CHMP1A: variants seen among roughly 807,000 people sequenced by gnomAD.
The protein encoded by CHMP1A is VPS46 homolog A.
In CHMP1A, 17 loss-of-function variants were observed where a neutral mutation model predicts 27.0. The observed-to-expected ratio is 0.63, with a 90% confidence interval of 0.43 to 0.95. CHMP1A has a LOEUF of 0.95. Ranked by LOEUF, CHMP1A falls within the 40% of genes least tolerant of loss-of-function variation. CHMP1A has a pLI of 0.00. For missense variants in CHMP1A, 275 were observed against 264.0 expected (o/e 1.04, Z -0.29); for synonymous variants, 131 against 107.5 (o/e 1.22, Z -1.35).
intron 2 of CHMP1A, among the ~76,000 whole-genome samples, chr16:89,652,800 A>G (rs982257719): frequency 1.3e-5 from 2 of 152,176 alleles, no homozygotes; most frequent in Non-Finnish European, 2.9e-5. Flanking sequence ...AGTAGCTCAG[A>G]GCCAGCGACA....
At position 89,649,286 on chromosome 16, in the gene CHMP1A, C is replaced by T. The variant is rs1466753476; in HGVS notation, c.252+65G>A. 32 of 1,581,304 alleles carry T rather than the reference C, an allele frequency of 2.0e-5. 1 individual carries two copies. In the South Asian group the frequency reaches 2.4e-4, roughly 12 times the overall value. ...ACTCTGAGCTGCCCCAGATCCAGAC[C>T]GCAGAGCCCATTCCTGCTTCAGCCA... is the stretch of plus-strand genomic sequence containing the variant. On this transcript the variant is annotated intron_variant, in intron 4 of 6. Transcript: ENST00000397901.
chr16:89,653,753 C>T, intron 2 of CHMP1A, 151 bp downstream of exon 2: 1 of 761,524 alleles, frequency 1.3e-6, no homozygotes, highest in Non-Finnish European at 2.2e-6. Flanking sequence ...GCTCAATAAT[C>T]CCCTCCTTGG....
chr16:89,655,814 C>G (rs559008789), intron 1 of CHMP1A, among the ~76,000 whole-genome samples: 3 of 152,200 alleles, frequency 2.0e-5, no homozygotes, highest in South Asian at 2.1e-4. Context: ...TTAGAAGAGA[C>G]GGGGTTTCAC....
chr16:89,655,644 G>C (rs1427168938), intron 1 of CHMP1A, among the ~76,000 whole-genome samples: 1 of 125,120 alleles, frequency 8.0e-6, no homozygotes, highest in Non-Finnish European at 1.9e-5. Context: ...TTTTTTTTTT[G>C]AGACGGAGTC....
intron 3 of CHMP1A, 126 bp from the exon 4 acceptor site, chr16:89,649,623 T>G: frequency 9.1e-7 from 1 of 1,096,432 alleles, no homozygotes; most frequent in Non-Finnish European, 1.3e-6. Flanking sequence ...TTGCCCAGGC[T>G]GGAGTGCAGT....
intron 1 of CHMP1A, among the ~76,000 whole-genome samples, chr16:89,655,631 CTT>C (rs144330644): frequency 2.0e-5 from 3 of 148,030 alleles, no homozygotes; most frequent in Non-Finnish European, 4.5e-5. Context: ...CACAATTTTT[CTT>C]TTTTTTTTTT....
chr16:89,653,622 C>CAAAAAAA (rs5818724), intron 2 of CHMP1A, among the ~76,000 whole-genome samples: 3 of 51,498 alleles, frequency 5.8e-5, no homozygotes, highest in Non-Finnish European at 7.3e-5. Context: ...GACGCCGTCT[C>CAAAAAAA]AAAAAAAAAA....
At chr16:89,647,771 T>C (rs1351472587) in intron 4 of CHMP1A, among the ~76,000 whole-genome samples, 1 of 5,688 alleles carries the variant, frequency 1.8e-4, no homozygotes, top group Non-Finnish European at 4.0e-4. Context: ...GCCGCCGACG[T>C]GGAGACCCAG....
intron 2 of CHMP1A, 68 bp from the exon 3 acceptor site, chr16:89,651,714 C>G (rs973860887): frequency 1.3e-6 from 2 of 1,487,180 alleles, no homozygotes; most frequent in Non-Finnish European, 1.8e-6. Flanking sequence ...GCTCTCCACA[C>G]CCCCACACCT....
In CHMP1A at chr16:89,657,661, G is replaced by C; in HGVS notation, c.-73C>G. On this transcript the variant is annotated 5_prime_UTR_variant, in exon 1 of 7. Coordinates refer to ENST00000397901, the MANE Select transcript of CHMP1A (RefSeq NM_002768.5). ...CTCCGGGCGGTGTCAGGTCCCGGCG[G>C]CGATCGAACCGACCAAGCTGCACCC... The C allele has an allele frequency of 1.9e-6, 3 of 1,600,864 alleles. No individual in the cohort carries two copies. The highest frequency in any genetic ancestry group is 2.6e-6 in the Non-Finnish European group (3 of 1,174,794).
rs1038572021 is a variant in CHMP1A, at chr16:89,646,732, C to T, written c.382-18G>A. The T allele has an allele frequency of 1.9e-6, 3 of 1,604,342 alleles. No homozygotes were observed. The highest frequency in any genetic ancestry group is 2.6e-6 in the Non-Finnish European group (3 of 1,176,212). ...TCCATCACCTGGGGGCAGGGGCATG[C>T]TCTGGACAACAGGTGGGGCCAGGCC... is the stretch of plus-strand genomic sequence containing the variant. On this transcript the variant is annotated intron_variant, in intron 5 of 6. Coordinates refer to ENST00000397901, the MANE Select transcript of CHMP1A (RefSeq NM_002768.5).
At chr16:89,646,131 G>A (rs867183331) in intron 6 of CHMP1A, 44 bp from the exon 7 acceptor site, 5 of 1,499,672 alleles carry the variant, frequency 3.3e-6, no homozygotes, top group East Asian at 2.3e-5. Context: ...GGGGAAGGGG[G>A]CCTCTGACCA....
In CHMP1A at chr16:89,645,689, A is replaced by T; in HGVS notation, c.*377T>A. 3 of 373,328 alleles carry T rather than the reference A, an allele frequency of 8.0e-6. No individual in the cohort carries two copies. The highest frequency in any genetic ancestry group is 6.6e-5 in the South Asian group (3 of 45,242). 23.1% of individuals were successfully genotyped at this position (373,328 alleles called of 1,614,324 possible). A position where few individuals can be genotyped will look rare whatever the true frequency, so the allele number is the denominator to read the frequency against. ...GAGGTGGTGCGGAGAGGCCTCAGGG[A>T]GTTGTTTGGCAACAGGGCAGCCCTG... is the stretch of plus-strand genomic sequence containing the variant. On this transcript the variant is annotated 3_prime_UTR_variant, in exon 7 of 7. Coordinates refer to ENST00000397901, the MANE Select transcript of CHMP1A (RefSeq NM_002768.5).
intron 3 of CHMP1A, among the ~76,000 whole-genome samples, chr16:89,649,953 C>T (rs374245498): frequency 6.6e-6 from 1 of 152,110 alleles, no homozygotes; most frequent in Non-Finnish European, 1.5e-5. Flanking sequence ...ACCCAGGCCC[C>T]AGCCCAGCCC....
intron 6 of CHMP1A, 47 bp from the exon 7 acceptor site, chr16:89,646,134 T>C: frequency 6.7e-7 from 1 of 1,493,018 alleles, no homozygotes; most frequent in Non-Finnish European, 9.0e-7. Flanking sequence ...GAAGGGGGCC[T>C]CTGACCACCA....
chr16:89,656,358 C>T (rs1197816043), intron 1 of CHMP1A, among the ~76,000 whole-genome samples: 2 of 151,584 alleles, frequency 1.3e-5, no homozygotes, highest in Non-Finnish European at 2.9e-5. Flanking sequence ...AGGATGGTCT[C>T]GATCTCCTGA....
intron 2 of CHMP1A, 76 bp from the exon 3 acceptor site, chr16:89,651,722 C>T: frequency 1.4e-6 from 2 of 1,419,784 alleles, no homozygotes; most frequent in Non-Finnish European, 1.9e-6. Flanking sequence ...CACCCCCACA[C>T]CTGTGCCCAC....
At chr16:89,657,469 G>C in intron 1 of CHMP1A, 113 bp downstream of exon 1, 1 of 1,361,980 alleles carries the variant, frequency 7.3e-7, no homozygotes, top group Non-Finnish European at 1.0e-6. Context: ...GACGGTCGAG[G>C]CCCGAGCTCT....
At chr16:89,656,277 C>T (rs1448313838) in intron 1 of CHMP1A, among the ~76,000 whole-genome samples, 5 of 152,220 alleles carry the variant, frequency 3.3e-5, no homozygotes, top group Non-Finnish European at 4.4e-5. Context: ...GCTGGGACTA[C>T]AGGCACCCGC....
Sources: allele counts gnomAD v4.1 joint callset (sites outside exome capture counted in the v4.1 genomes callset), GRCh38; gene constraint gnomAD v4.1.1; transcripts MANE v1.5; gene names NCBI Gene and HGNC (gene_info 2026-07-23, HGNC 2026-07-21).